The following MED15 variants were observed in gnomAD, a reference collection of about 807,000 sequenced individuals.
The protein encoded by MED15 is mediator of RNA polymerase II transcription subunit 15.
Under a neutral mutation model 118.7 loss-of-function variants are expected in MED15, and 41 were observed. That is an observed-to-expected ratio of 0.35 (90% confidence interval 0.27 to 0.45). The LOEUF is 0.45. MED15 is among the 20% of genes least tolerant of loss of function. The pLI, the probability that MED15 is intolerant of heterozygous loss-of-function variation, is 1.00. For missense variants in MED15, 740 were observed against 1,025.5 expected, an observed-to-expected ratio of 0.72 and a Z score of 3.80; for synonymous variants, 436 against 413.9, an observed-to-expected ratio of 1.05 and a Z score of -0.65.
rs924603121 is a variant in MED15 at position 20,521,088 on chromosome 22, ATTTTTTTTTTTT to A, written c.68+13357_68+13368del. Reference sequence around the variant, plus strand: ...TATCCTCACAGGCAGCAGTTGTTCTATTTTTTTTTTTTTTTTTTTTTTTTTTGAGATGGAGTC... The same window carrying A: ...TATCCTCACAGGCAGCAGTTGTTCTATTTTTTTTTTTTTTGAGATGGAGTC... On this transcript the variant is annotated intron_variant, in intron 1 of 17. Transcript: ENST00000263205. 2.3e-4 allele frequency among the ~76,000 whole-genome samples: 14 copies of A among 61,500 alleles called. No individual in the cohort carries two copies. The East Asian group carries it at 7.2e-3, about 32-fold the overall frequency. 40.3% of individuals were successfully genotyped at this position (61,500 alleles called of 152,430 possible). A position where few individuals can be genotyped will look rare whatever the true frequency, so the allele number is the denominator to read the frequency against.
At chr22:20,576,123 C>G (rs1041680504) in intron 9 of MED15, among the ~76,000 whole-genome samples, 3 of 152,206 alleles carry the variant, frequency 2.0e-5, no homozygotes, top group African/African-American at 7.2e-5. Flanking sequence ...TTACCACATG[C>G]ATTCTGTGTG....
At chr22:20,533,910 A>T (rs2054952359) in intron 1 of MED15, among the ~76,000 whole-genome samples, 2 of 152,122 alleles carry the variant, frequency 1.3e-5, no homozygotes, top group Admixed American at 6.5e-5. Flanking sequence ...CTGTGTTTCT[A>T]GATCTTGTCT....
At position 20,507,683 on chromosome 22, in the gene MED15, A is replaced by G. The variant is rs998197399; in HGVS notation, c.5A>G (p.Asp2Gly). 6.2e-7 allele frequency: 1 copy of G among 1,614,050 alleles called. No homozygotes were observed. M[D>G]VSGQETDWRS... ...GGCGGGAGCTGGGGAACAGGCATGGACGTTTCCGGGCAAGAGACCGACTGG... is the reference window on the plus strand; with the variant it reads ...GGCGGGAGCTGGGGAACAGGCATGGGCGTTTCCGGGCAAGAGACCGACTGG... Residue 2 changes from aspartate to glycine, a missense_variant, in exon 1 of 18, where the codon GAC becomes GGC. By Grantham distance (94) the Asp-to-Gly change is moderately conservative (BLOSUM62 -1). This residue lies in a region of MED15 where 23 missense variants were observed against 20.2 expected (regional missense o/e 1.14). Coordinates refer to ENST00000263205, the MANE Select transcript of MED15 (RefSeq NM_001003891.3).
At chr22:20,541,711 G>A (rs1223826920) in intron 2 of MED15, among the ~76,000 whole-genome samples, 3 of 151,046 alleles carry the variant, frequency 2.0e-5, no homozygotes, top group East Asian at 1.9e-4. Flanking sequence ...GTGCAGTGGC[G>A]GGATCTCGGC....
intron 1 of MED15, among the ~76,000 whole-genome samples, chr22:20,530,415 G>GCCCC (rs1190197082): frequency 6.6e-6 from 1 of 152,154 alleles, no homozygotes; most frequent in Non-Finnish European, 1.5e-5. Flanking sequence ...GAATCATCCT[G>GCCCC]CCCCCCTGAG....
intron 17 of MED15, among the ~76,000 whole-genome samples, chr22:20,586,320 C>T (rs977984055): frequency 2.0e-5 from 3 of 151,702 alleles, no homozygotes; most frequent in African/African-American, 7.3e-5. Flanking sequence ...GCAGAGCTGG[C>T]ACACAGTAGA....
chr22:20,516,042 C>T (rs759690408), intron 1 of MED15, among the ~76,000 whole-genome samples: 21 of 151,108 alleles, frequency 1.4e-4, no homozygotes, highest in Admixed American at 2.7e-4. Flanking sequence ...GTAGGTTGGG[C>T]GCGGTGGCTC....
chr22:20,534,385 C>T (rs1465756428), intron 1 of MED15, among the ~76,000 whole-genome samples: 1 of 152,002 alleles, frequency 6.6e-6, no homozygotes, highest in East Asian at 1.9e-4. Context: ...ATTAGCCAGG[C>T]GTGGTGGCGC....
intron 1 of MED15, among the ~76,000 whole-genome samples, chr22:20,533,747 CCA>C (rs2054944551): frequency 6.6e-6 from 1 of 152,182 alleles, no homozygotes; most frequent in Non-Finnish European, 1.5e-5. Context: ...CTGACGGTGC[CCA>C]CAGTGTCCAT....
chr22:20,524,669 T>A (rs998156574), intron 1 of MED15, among the ~76,000 whole-genome samples: 4 of 152,220 alleles, frequency 2.6e-5, no homozygotes, highest in African/African-American at 9.6e-5. Context: ...TCACCCAGGC[T>A]GGAGTGCAGT....
chr22:20,565,683 TCTC>T (rs2056409406), intron 6 of MED15, among the ~76,000 whole-genome samples: 1 of 152,056 alleles, frequency 6.6e-6, no homozygotes, highest in South Asian at 2.1e-4. Context: ...CACTTTTCCT[TCTC>T]CTGCTGACAA....
rs1442853549 is a variant in MED15, at chr22:20,586,764, G to C, written c.*60G>C. ...GGCCAAGGACACACGCCTCCTGTCA[G>C]ACACTTCTAGGTGTTGGCTTCCTTA... On this transcript the variant is annotated 3_prime_UTR_variant, in exon 18 of 18. Coordinates refer to ENST00000263205, the MANE Select transcript of MED15 (RefSeq NM_001003891.3). The C allele has an allele frequency of 2.5e-6, 4 of 1,597,200 alleles. No homozygotes were observed. In the East Asian group the frequency reaches 8.9e-5, roughly 36 times the overall value.
chr22:20,565,370 T>C (rs980503547), intron 6 of MED15, among the ~76,000 whole-genome samples: 6 of 152,222 alleles, frequency 3.9e-5, no homozygotes, highest in Non-Finnish European at 7.3e-5. Flanking sequence ...TGAGGACACA[T>C]GTGCCTCCTG....
intron 1 of MED15, among the ~76,000 whole-genome samples, chr22:20,519,929 TTTTAA>T (rs2054388542): frequency 6.6e-6 from 1 of 152,224 alleles, no homozygotes; most frequent in African/African-American, 2.4e-5. Flanking sequence ...GTTTCTGTCT[TTTTAA>T]TTTTAATTTT....
intron 1 of MED15, chr22:20,523,003 C>T (rs960303183): frequency 6.6e-6 from 1 of 152,160 alleles, no homozygotes; most frequent in African/African-American, 2.4e-5. Context: ...TACTTCGTTC[C>T]ATTCCGGATA....
chr22:20,552,086 G>C (rs1185140425), intron 3 of MED15, among the ~76,000 whole-genome samples: 1 of 152,202 alleles, frequency 6.6e-6, no homozygotes, highest in East Asian at 1.9e-4. Context: ...CTTCGTGCTT[G>C]TGTGTGTTAC....
intron 1 of MED15, among the ~76,000 whole-genome samples, chr22:20,535,872 C>CTTTTTTT (rs536712415): frequency 3.0e-5 from 3 of 98,688 alleles, no homozygotes; most frequent in Admixed American, 1.2e-4. Flanking sequence ...TTCTTTCTTT[C>CTTTTTTT]TTTTTTTTTT....
At chr22:20,511,703 C>G (rs1041058007) in intron 1 of MED15, among the ~76,000 whole-genome samples, 4 of 151,988 alleles carry the variant, frequency 2.6e-5, no homozygotes, top group African/African-American at 9.7e-5. Context: ...AGTTCAGCCT[C>G]TTAGCCCTCC....
intron 9 of MED15, among the ~76,000 whole-genome samples, chr22:20,577,620 T>C: frequency 6.6e-6 from 1 of 152,010 alleles, no homozygotes; most frequent in East Asian, 1.9e-4. Context: ...TGCCTTGGAA[T>C]AAATGCCATG....
Sources: gnomAD v4.1 joint callset for allele counts (sites outside exome capture counted in the v4.1 genomes callset) on GRCh38, gnomAD v4.1.1 for gene constraint, gnomAD v4.1.1 regional missense constraint, MANE v1.5 for transcripts, NCBI Gene and HGNC (gene_info 2026-07-23, HGNC 2026-07-21) for gene names.